CCBE1: variants seen among roughly 807,000 people sequenced by gnomAD.
CCBE1 encodes collagen and calcium binding EGF domains 1, also known as collagen and calcium-binding EGF domain-containing protein 1.
Under a neutral mutation model 50.0 loss-of-function variants are expected in CCBE1, and 37 were observed. The ratio of observed to expected loss-of-function variants is 0.74; its 90% CI spans 0.57 to 0.97. The LOEUF (loss-of-function observed/expected upper bound fraction) is 0.97, where lower values mean the gene tolerates loss of function less well. CCBE1 is among the 50% of genes least tolerant of loss of function. CCBE1 has a pLI of 0.00. For missense variants in CCBE1, 538 were observed against 523.8 expected (o/e 1.03, Z -0.26); for synonymous variants, 234 against 203.7 (o/e 1.15, Z -1.27).
At chr18:59,592,545 A>G (rs2144539211) in intron 2 of CCBE1, among the ~76,000 whole-genome samples, 1 of 152,394 alleles carries the variant, frequency 6.6e-6, no homozygotes, top group African/African-American at 2.4e-5. Context: ...TATATTGATA[A>G]GCAAAGAAAG....
chr18:59,524,472 A>G (rs572097221), intron 2 of CCBE1, among the ~76,000 whole-genome samples: 1 of 152,318 alleles, frequency 6.6e-6, no homozygotes, highest in African/African-American at 2.4e-5. Context: ...TTTGCATTCT[A>G]TCCTTCAACC....
chr18:59,674,207 A>T (rs2054468884), intron 2 of CCBE1, among the ~76,000 whole-genome samples: 1 of 152,224 alleles, frequency 6.6e-6, no homozygotes, highest in East Asian at 1.9e-4. Flanking sequence ...TCACAATAGC[A>T]AAGACTTGGA....
At chr18:59,643,582 G>A (rs959154888) in intron 2 of CCBE1, among the ~76,000 whole-genome samples, 2 of 152,082 alleles carry the variant, frequency 1.3e-5, no homozygotes, top group African/African-American at 4.8e-5. Flanking sequence ...ATCACTTTAG[G>A]CCAGGAGTTC....
At chr18:59,664,952 G>C (rs1456170358) in intron 2 of CCBE1, among the ~76,000 whole-genome samples, 1 of 152,162 alleles carries the variant, frequency 6.6e-6, no homozygotes, top group Non-Finnish European at 1.5e-5. Flanking sequence ...GGCAGAGGAG[G>C]ATCCATTCTT....
chr18:59,565,157 C>T (rs1385138955), intron 2 of CCBE1, among the ~76,000 whole-genome samples: 1 of 152,132 alleles, frequency 6.6e-6, no homozygotes, highest in African/African-American at 2.4e-5. Flanking sequence ...GTCTGTCATG[C>T]TTGTGGTCTT....
At chr18:59,588,501 T>C (rs2053211301) in intron 2 of CCBE1, among the ~76,000 whole-genome samples, 1 of 152,170 alleles carries the variant, frequency 6.6e-6, no homozygotes, top group South Asian at 2.1e-4. Flanking sequence ...TTCCCACCAG[T>C]GATTAGCTTT....
intron 6 of CCBE1, among the ~76,000 whole-genome samples, chr18:59,451,455 A>G (rs924440883): frequency 1.3e-5 from 2 of 149,366 alleles, no homozygotes; most frequent in African/African-American, 2.5e-5. Flanking sequence ...AAAAAAAAAA[A>G]GGACAGGAGA....
chr18:59,484,421 G>A (rs189472349), intron 2 of CCBE1, among the ~76,000 whole-genome samples: 14 of 152,296 alleles, frequency 9.2e-5, no homozygotes, highest in East Asian at 3.9e-4. Context: ...GTTTGATGGC[G>A]TTTTAAAGTT....
In CCBE1 at chr18:59,696,147, C is replaced by T. The variant is rs1162082211; in HGVS notation, c.212+482G>A. On this transcript the variant is annotated intron_variant, in intron 2 of 10. Coordinates refer to ENST00000439986, the MANE Select transcript of CCBE1 (RefSeq NM_133459.4). Reference sequence around the variant, plus strand: ...TGCCCCAACAATCTTTTTGTTTTCACTCAACACAACCACTCACAATCCTCC... The same window carrying T: ...TGCCCCAACAATCTTTTTGTTTTCATTCAACACAACCACTCACAATCCTCC... Among the ~76,000 whole-genome samples, 4 of 152,136 alleles carry T rather than the reference C, an allele frequency of 2.6e-5. No homozygotes were observed. In the East Asian group the frequency reaches 7.7e-4, roughly 29 times the overall value.
At chr18:59,569,099 T>C (rs2052870244) in intron 2 of CCBE1, among the ~76,000 whole-genome samples, 1 of 152,138 alleles carries the variant, frequency 6.6e-6, no homozygotes, top group Non-Finnish European at 1.5e-5. Context: ...GATTCCACTC[T>C]CTCCTTTTAT....
chr18:59,462,234 C>T (rs112621561), intron 5 of CCBE1, among the ~76,000 whole-genome samples: 153 of 152,280 alleles, frequency 1.0e-3, no homozygotes, highest in African/African-American at 3.2e-3. Flanking sequence ...CTCTGGACTC[C>T]GGCCGCTTCA....
chr18:59,509,102 T>C (rs1287424693), intron 2 of CCBE1, among the ~76,000 whole-genome samples: 2 of 152,198 alleles, frequency 1.3e-5, no homozygotes, highest in Non-Finnish European at 2.9e-5. Context: ...GACTACAGTT[T>C]TTCTTAATAA....
At chr18:59,489,399 TA>T (rs1045843609) in intron 2 of CCBE1, among the ~76,000 whole-genome samples, 26 of 150,000 alleles carry the variant, frequency 1.7e-4, no homozygotes, top group African/African-American at 3.7e-4. Context: ...TTAACTTTCT[TA>T]TTTTTCTTCT....
chr18:59,632,368 C>T (rs1485892327), intron 2 of CCBE1, among the ~76,000 whole-genome samples: 1 of 151,646 alleles, frequency 6.6e-6, no homozygotes, highest in Non-Finnish European at 1.5e-5. Flanking sequence ...CAACCTCTGC[C>T]TCCCAGGTTC....
At chr18:59,454,234 T>C (rs1323329616) in intron 6 of CCBE1, among the ~76,000 whole-genome samples, 3 of 152,136 alleles carry the variant, frequency 2.0e-5, no homozygotes, top group East Asian at 3.9e-4. Flanking sequence ...CTATGGACTT[T>C]CCGATGGCAT....
intron 2 of CCBE1, among the ~76,000 whole-genome samples, chr18:59,668,433 T>A (rs1309735481): frequency 6.6e-6 from 1 of 151,600 alleles, no homozygotes; most frequent in Non-Finnish European, 1.5e-5. Flanking sequence ...ATAATAATAA[T>A]AATAATAATT....
chr18:59,434,489 C>G lies in CCBE1; in HGVS notation c.*1419G>C, dbSNP rs1910067781. The G allele has an allele frequency of 6.6e-6, 1 of 152,190 alleles. No individual in the cohort carries two copies. The highest frequency in any genetic ancestry group is 1.5e-5 in the Non-Finnish European group (1 of 68,056). 9.4% of individuals were successfully genotyped at this position (152,190 alleles called of 1,614,324 possible). ...CAAAGGAGCAGATCATCCTTCTGGT[C>G]TCTTGCTCCTGGTGCTTCTGAATCC... On this transcript the variant is annotated 3_prime_UTR_variant, in exon 11 of 11. Coordinates refer to ENST00000439986, the MANE Select transcript of CCBE1 (RefSeq NM_133459.4).
intron 2 of CCBE1, among the ~76,000 whole-genome samples, chr18:59,553,297 A>T (rs987591238): frequency 6.6e-6 from 1 of 152,224 alleles, no homozygotes; most frequent in Admixed American, 6.5e-5. Flanking sequence ...TCATTCAAGC[A>T]TGAGCACATG....
chr18:59,690,879 A>T (rs1015584853), intron 2 of CCBE1, among the ~76,000 whole-genome samples: 11 of 152,226 alleles, frequency 7.2e-5, no homozygotes, highest in South Asian at 2.1e-4. Context: ...ACAGGCAGGA[A>T]CCCACATGTC....
Sources: gnomAD v4.1 joint callset for allele counts (sites outside exome capture counted in the v4.1 genomes callset) on GRCh38, gnomAD v4.1.1 for gene constraint, MANE v1.5 for transcripts, NCBI Gene and HGNC (gene_info 2026-07-23, HGNC 2026-07-21) for gene names.